Variants in SRFBP1 observed in about 807,000 individuals in gnomAD.
SRFBP1 encodes serum response factor binding protein 1.
A neutral mutation model predicts 45.5 loss-of-function variants in SRFBP1; 47 were observed. The observed-to-expected ratio is 1.03, with a 90% confidence interval of 0.82 to 1.32. The LOEUF is 1.32. Among genes scored for constraint, SRFBP1 ranks in the 40% most tolerant of loss-of-function variants. The pLI, the probability that SRFBP1 is intolerant of heterozygous loss-of-function variation, is 0.00. For synonymous variants in SRFBP1, 203 were observed against 166.3 expected, an observed-to-expected ratio of 1.22 and a Z score of -1.70; for missense variants, 621 against 484.6, an observed-to-expected ratio of 1.28 and a Z score of -2.64.
At chr5:122,077,669 G>A (rs1754679022), downstream of SRFBP1, 12 of 1,604,420 alleles carry the variant, frequency 7.5e-6, no homozygotes, top group Non-Finnish European at 1.0e-5. The surrounding 1 kb of genome is among the most constrained non-coding windows in gnomAD (Gnocchi z 4.9). Flanking sequence ...TGAGCCGGCC[G>A]TCCGCGTTCG....
At chr5:122,077,662 G>A (rs769717725), downstream of SRFBP1, 2 of 1,606,486 alleles carry the variant, frequency 1.2e-6, no homozygotes, top group South Asian at 1.1e-5. The surrounding 1 kb of genome is among the most constrained non-coding windows in gnomAD (Gnocchi z 4.9). Context: ...CTCCAGATGA[G>A]CCGGCCGTCC....
At position 122,019,122 on chromosome 5, in the gene SRFBP1, T is replaced by C. The variant is rs370888121; in HGVS notation, c.271-138T>C. ...TTAGCATGGATTGATTATACAGATA[T>C]CTTATCTAAGGAGAATATTAACTAG... On this transcript the variant is annotated intron_variant, in intron 4 of 7. Coordinates refer to ENST00000339397, the MANE Select transcript of SRFBP1 (RefSeq NM_152546.3). 3.6e-5 allele frequency: 25 copies of C among 699,042 alleles called. No homozygotes were observed. In the African/African-American group the frequency reaches 4.0e-4, roughly 11 times the overall value. The allele number at this position is 699,042 out of a possible 1,614,324, so 43.3% of individuals were successfully genotyped here.
intron 2 of SRFBP1, among the ~76,000 whole-genome samples, chr5:122,051,396 T>C (rs1371210910): frequency 6.6e-6 from 1 of 152,122 alleles, no homozygotes; most frequent in Non-Finnish European, 1.5e-5. Flanking sequence ...TCTAAGTCTT[T>C]GTAGGCCTCC....
chr5:122,007,640 G>T (rs151206948), intron 4 of SRFBP1, among the ~76,000 whole-genome samples: 2 of 151,260 alleles, frequency 1.3e-5, no homozygotes, highest in African/African-American at 4.9e-5. Context: ...AGACAGGAGC[G>T]GTCCTGCACC....
intron 2 of SRFBP1, among the ~76,000 whole-genome samples, chr5:122,053,599 G>A (rs1327710118): frequency 6.6e-6 from 1 of 152,076 alleles, no homozygotes; most frequent in Non-Finnish European, 1.5e-5. Flanking sequence ...ATAGGAGGCT[G>A]CACCCACCAG....
intron 3 of SRFBP1, among the ~76,000 whole-genome samples, chr5:121,979,675 A>G (rs1752368521): frequency 6.6e-6 from 1 of 152,178 alleles, no homozygotes; most frequent in Non-Finnish European, 1.5e-5. Context: ...GCAAGTAGTC[A>G]AAGGGGACAG....
chr5:121,967,746 G>A (rs1448934970), intron 1 of SRFBP1, among the ~76,000 whole-genome samples: 3 of 152,192 alleles, frequency 2.0e-5, no homozygotes, highest in African/African-American at 7.2e-5. Context: ...AAGGTGGGAA[G>A]ATGGCTTGAG....
At chr5:122,058,506 T>C (rs1580549290) in intron 2 of SRFBP1, among the ~76,000 whole-genome samples, 1 of 150,870 alleles carries the variant, frequency 6.6e-6, no homozygotes, top group Admixed American at 6.6e-5. Flanking sequence ...TCCTACTTCA[T>C]AGCTGTGAGA....
At chr5:121,985,973 T>C (rs571405013) in intron 3 of SRFBP1, among the ~76,000 whole-genome samples, 13 of 151,876 alleles carry the variant, frequency 8.6e-5, no homozygotes, top group African/African-American at 3.1e-4. Flanking sequence ...AGAAATTATC[T>C]TGGCTACAGA....
chr5:122,061,309 T>C (rs1331357771), intron 2 of SRFBP1, among the ~76,000 whole-genome samples: 6 of 151,852 alleles, frequency 4.0e-5, no homozygotes, highest in Admixed American at 6.6e-5. Flanking sequence ...TTCGACTTGG[T>C]ATGTAAATTG....
chr5:122,059,400 C>T (rs546353437), intron 2 of SRFBP1, among the ~76,000 whole-genome samples: 1 of 152,222 alleles, frequency 6.6e-6, no homozygotes, highest in South Asian at 2.1e-4. Context: ...CATCCCCTTA[C>T]ATCTCTGATC....
intron 2 of SRFBP1, among the ~76,000 whole-genome samples, chr5:122,046,769 G>C (rs985271842): frequency 1.3e-5 from 2 of 152,212 alleles, no homozygotes; most frequent in Admixed American, 1.3e-4. Flanking sequence ...TCTCATTGTG[G>C]TTTGGATTTG....
rs573727666 is a variant in SRFBP1, at chr5:121,962,012, G to C, written c.-21G>C. ...ACCGGTTCACGTGCAGGCAGCGGCG[G>C]ATCATATTCCTTCATCTACCATGGC... On this transcript the variant is annotated 5_prime_UTR_variant, in exon 1 of 8. Transcript: ENST00000339397. The C allele has an allele frequency of 9.9e-5, 159 of 1,613,328 alleles. No homozygotes were observed. The East Asian group carries it at 3.3e-3, about 34-fold the overall frequency.
At chr5:122,010,512 C>G (rs1469695779) in intron 4 of SRFBP1, among the ~76,000 whole-genome samples, 3 of 152,132 alleles carry the variant, frequency 2.0e-5, no homozygotes, top group African/African-American at 4.8e-5. Flanking sequence ...ATTATGTCCT[C>G]TCACTTTTCA....
intron 2 of SRFBP1, among the ~76,000 whole-genome samples, chr5:122,050,213 G>C (rs768096023): frequency 8.5e-5 from 13 of 152,106 alleles, no homozygotes; most frequent in Non-Finnish European, 1.5e-4. Flanking sequence ...TTCTTTCTTT[G>C]TTTTTTCTCT....
intron 4 of SRFBP1, among the ~76,000 whole-genome samples, chr5:122,015,881 C>G (rs1179310346): frequency 1.3e-5 from 2 of 152,108 alleles, no homozygotes; most frequent in Admixed American, 6.6e-5. Context: ...AGATTTAGAT[C>G]TCTTTTCTCC....
At chr5:121,978,735 G>A (rs1287334103) in intron 3 of SRFBP1, among the ~76,000 whole-genome samples, 2 of 152,012 alleles carry the variant, frequency 1.3e-5, no homozygotes, top group African/African-American at 4.8e-5. Flanking sequence ...CAGGTGATCC[G>A]CCCACCTCGG....
chr5:122,038,740 T>C (rs1464440763), intron 2 of SRFBP1, among the ~76,000 whole-genome samples: 2 of 152,216 alleles, frequency 1.3e-5, no homozygotes, highest in Non-Finnish European at 2.9e-5. Context: ...ATGCTACCAA[T>C]GTATGTAATA....
intron 1 of SRFBP1, among the ~76,000 whole-genome samples, chr5:121,971,005 G>A (rs1216938911): frequency 6.6e-6 from 1 of 152,066 alleles, no homozygotes; most frequent in Non-Finnish European, 1.5e-5. Flanking sequence ...ATGTTAACAA[G>A]TTGACATGGG....
Sources: gnomAD v4.1 joint callset for allele counts (sites outside exome capture counted in the v4.1 genomes callset) on GRCh38, gnomAD v4.1.1 for gene constraint, Gnocchi (gnomAD v3.1) non-coding constraint, MANE v1.5 for transcripts, NCBI Gene and HGNC (gene_info 2026-07-23, HGNC 2026-07-21) for gene names.